The following TANC1 variants were observed in gnomAD, a reference collection of about 807,000 sequenced individuals.
The protein encoded by TANC1 is tetratricopeptide repeat, ankyrin repeat and coiled-coil containing 1.
In TANC1, 77 loss-of-function variants were observed where a neutral mutation model predicts 149.7. The ratio of observed to expected loss-of-function variants is 0.51; its 90% CI spans 0.43 to 0.62. TANC1 has a LOEUF of 0.62. Ranked by LOEUF, TANC1 falls within the 20% of genes least tolerant of loss-of-function variation. The pLI is 0.00. For synonymous variants in TANC1, 854 were observed against 925.0 expected (o/e 0.92, Z 1.39); for missense variants, 1,985 against 2,321.8 (o/e 0.85, Z 2.98).
At chr2:158,998,263 A>T (rs1372838965) in intron 1 of TANC1, among the ~76,000 whole-genome samples, 1 of 152,012 alleles carries the variant, frequency 6.6e-6, no homozygotes, top group African/African-American at 2.4e-5. Flanking sequence ...AAAAGAAAAA[A>T]GTTAAAAGAA....
intron 2 of TANC1, among the ~76,000 whole-genome samples, chr2:159,023,759 G>A (rs867419477): frequency 2.6e-5 from 4 of 151,996 alleles, no homozygotes; most frequent in African/African-American, 9.7e-5. Context: ...CTGAGGTCAG[G>A]AGTTTGAGAC....
chr2:158,973,934 A>G (rs887413478), intron 1 of TANC1, among the ~76,000 whole-genome samples: 1 of 152,156 alleles, frequency 6.6e-6, no homozygotes, highest in Non-Finnish European at 1.5e-5. Context: ...CATGTAACCC[A>G]TTACACTCCC....
chr2:159,094,782 G>C (rs71338838), intron 3 of TANC1, among the ~76,000 whole-genome samples: 2 of 137,076 alleles, frequency 1.5e-5, no homozygotes, highest in Non-Finnish European at 3.1e-5. Flanking sequence ...TGTGGGGGGG[G>C]GGTGGGGGCC....
intron 4 of TANC1, among the ~76,000 whole-genome samples, chr2:159,107,058 C>G (rs998251234): frequency 6.6e-6 from 1 of 152,190 alleles, no homozygotes; most frequent in Non-Finnish European, 1.5e-5. Context: ...CGGAGTCTCG[C>G]TCTGTCTCGC....
rs1160152983 is a variant in TANC1, at chr2:159,120,793, G to A, written c.260-15401G>A. On this transcript the variant is annotated intron_variant, in intron 4 of 26. Coordinates refer to ENST00000263635, the MANE Select transcript of TANC1 (RefSeq NM_033394.3). ...TTTTGTATTTTTTTGTAGAGATGGG[G>A]TTTCACTGTGTTGCCTAAGCTGGTC... is the stretch of plus-strand genomic sequence containing the variant. Among the ~76,000 whole-genome samples the A allele has an allele frequency of 5.3e-5, 8 of 151,996 alleles. 1 individual carries two copies. The highest frequency in any genetic ancestry group is 1.9e-4 in the African/African-American group (8 of 41,378).
At chr2:159,007,322 C>T (rs1161525665) in intron 2 of TANC1, among the ~76,000 whole-genome samples, 2 of 151,934 alleles carry the variant, frequency 1.3e-5, no homozygotes, top group Admixed American at 1.3e-4. Flanking sequence ...AATTTTGTAT[C>T]TTTAATAGAG....
At chr2:159,161,097 T>C (rs1486438266) in intron 7 of TANC1, among the ~76,000 whole-genome samples, 1 of 152,188 alleles carries the variant, frequency 6.6e-6, no homozygotes, top group East Asian at 1.9e-4. Context: ...CATCCTCAGC[T>C]GCTCCATGGG....
At chr2:159,082,971 A>G (rs2044433531) in intron 3 of TANC1, among the ~76,000 whole-genome samples, 1 of 152,142 alleles carries the variant, frequency 6.6e-6, no homozygotes, top group Non-Finnish European at 1.5e-5. Flanking sequence ...TTTAAGACAG[A>G]GTCTTGCTTT....
intron 1 of TANC1, among the ~76,000 whole-genome samples, chr2:158,976,940 A>G (rs1358890132): frequency 6.6e-6 from 1 of 152,142 alleles, no homozygotes; most frequent in Non-Finnish European, 1.5e-5. Context: ...ATAAAAATGA[A>G]CTTAAAAATA....
intron 4 of TANC1, among the ~76,000 whole-genome samples, chr2:159,131,640 A>G (rs948089307): frequency 1.3e-5 from 2 of 150,870 alleles, no homozygotes; most frequent in Non-Finnish European, 2.9e-5. Context: ...TCCTTTCCCC[A>G]CTGGTCTTTC....
chr2:159,076,205 A>G (rs1483038107), intron 3 of TANC1, among the ~76,000 whole-genome samples: 2 of 151,952 alleles, frequency 1.3e-5, no homozygotes, highest in African/African-American at 2.4e-5. Context: ...GCTGTTGTGT[A>G]TAGTAATGCA....
intron 2 of TANC1, among the ~76,000 whole-genome samples, chr2:159,019,734 T>C (rs781717344): frequency 2.2e-5 from 3 of 138,304 alleles, no homozygotes; most frequent in Admixed American, 8.1e-5. Context: ...AGTGGCATGA[T>C]CTCTGCTCAC....
chr2:159,121,334 C>T (rs759019280), intron 4 of TANC1, among the ~76,000 whole-genome samples: 5 of 152,152 alleles, frequency 3.3e-5, no homozygotes, highest in Non-Finnish European at 5.9e-5. Context: ...TAATTTTCTC[C>T]GCTATTGTTG....
At chr2:159,145,609 G>A (rs541791633) in intron 5 of TANC1, among the ~76,000 whole-genome samples, 6 of 152,318 alleles carry the variant, frequency 3.9e-5, no homozygotes, top group African/African-American at 1.4e-4. Flanking sequence ...ATGGCAGTCG[G>A]GAGCTGGTCA....
chr2:159,009,488 C>T (rs1028822500), intron 2 of TANC1, among the ~76,000 whole-genome samples: 2 of 152,106 alleles, frequency 1.3e-5, no homozygotes, highest in Non-Finnish European at 2.9e-5. Flanking sequence ...TGAAATAAGC[C>T]AGGCACAGAA....
intron 4 of TANC1, among the ~76,000 whole-genome samples, chr2:159,123,521 TC>T (rs1342962863): frequency 6.6e-6 from 1 of 151,640 alleles, no homozygotes; most frequent in African/African-American, 2.4e-5. Flanking sequence ...TCCCCATATC[TC>T]CCTTCTCACA....
intron 2 of TANC1, among the ~76,000 whole-genome samples, chr2:159,016,776 G>A (rs537603854): frequency 4.6e-5 from 7 of 151,794 alleles, no homozygotes; most frequent in Non-Finnish European, 1.0e-4. Context: ...GGGTTTCACT[G>A]TGTTAGCCAG....
At chr2:159,059,924 G>A (rs2042114531) in intron 2 of TANC1, among the ~76,000 whole-genome samples, 1 of 128,772 alleles carries the variant, frequency 7.8e-6, no homozygotes, top group Admixed American at 8.4e-5. Context: ...GTGTGTGTGT[G>A]TGTGTGGTTT....
chr2:159,005,266 C>A (rs1274277712), intron 2 of TANC1, among the ~76,000 whole-genome samples: 1 of 152,112 alleles, frequency 6.6e-6, no homozygotes, highest in Non-Finnish European at 1.5e-5. Context: ...CTGTTCCCAA[C>A]AATATTGACC....
Sources: gnomAD v4.1 joint callset for allele counts (sites outside exome capture counted in the v4.1 genomes callset) on GRCh38, gnomAD v4.1.1 for gene constraint, MANE v1.5 for transcripts, NCBI Gene and HGNC (gene_info 2026-07-23, HGNC 2026-07-21) for gene names.